Variants in SLC25A40 observed in about 807,000 individuals in gnomAD.
SLC25A40 encodes the protein mitochondrial glutathione transporter SLC25A40.
Under a neutral mutation model 46.5 loss-of-function variants are expected in SLC25A40, and 41 were observed. That is an observed-to-expected ratio of 0.88 (90% CI 0.69 to 1.14). The LOEUF (loss-of-function observed/expected upper bound fraction) is 1.14. SLC25A40 is among the 50% of genes most tolerant of loss of function. SLC25A40 has a pLI of 0.00. For missense variants in SLC25A40, 386 were observed against 393.6 expected (o/e 0.98, Z 0.16); for synonymous variants, 126 against 127.5 (o/e 0.99, Z 0.08).
rs531589145 is a variant in SLC25A40, at chr7:87,872,121, T to C, written c.-94+3975A>G. Among the ~76,000 whole-genome samples, 11 of 152,366 alleles carry C rather than the reference T, an allele frequency of 7.2e-5. No homozygotes were observed. In the South Asian group the frequency reaches 2.1e-3, roughly 29 times the overall value. On this transcript the variant is annotated intron_variant, in intron 1 of 11. Transcript: ENST00000341119. ...ATATAAATTCTTCCAAATTTATCTATAGATTCACAGGAATCATAACCTCTT... is the reference window on the plus strand; with the variant it reads ...ATATAAATTCTTCCAAATTTATCTACAGATTCACAGGAATCATAACCTCTT...
intron 2 of SLC25A40, among the ~76,000 whole-genome samples, chr7:87,859,176 C>G (rs1838658952): frequency 6.6e-6 from 1 of 152,080 alleles, no homozygotes; most frequent in Non-Finnish European, 1.5e-5. Context: ...AATCACCGGC[C>G]AGGCGTGGTG....
intron 5 of SLC25A40, among the ~76,000 whole-genome samples, chr7:87,851,284 ACT>A (rs1345707684): frequency 6.6e-6 from 1 of 152,208 alleles, no homozygotes; most frequent in Non-Finnish European, 1.5e-5. Flanking sequence ...AACATGGATG[ACT>A]CTTAAAACAC....
Position 87,848,059 on chromosome 7 carries a change from T to A in SLC25A40, c.333-82A>T. The stretch of plus-strand genomic sequence containing the variant: ...TAACTTAAATTCAAATATTATTATA[T>A]AAGCTAAAAAAGTCTTATATTTTGT... On this transcript the variant is annotated intron_variant, in intron 6 of 11. Coordinates refer to ENST00000341119, the MANE Select transcript of SLC25A40 (RefSeq NM_018843.4). 1.1e-5 allele frequency: 16 copies of A among 1,452,132 alleles called. No homozygotes were observed. The South Asian group carries it at 1.9e-4, about 18-fold the overall frequency. The allele number at this position is 1,452,132 out of a possible 1,614,324, so 90.0% of individuals were successfully genotyped here.
At chr7:87,839,693 C>G (rs1299372909) in intron 10 of SLC25A40, among the ~76,000 whole-genome samples, 5 of 151,716 alleles carry the variant, frequency 3.3e-5, no homozygotes, top group Non-Finnish European at 5.9e-5. Context: ...AGATTATGAG[C>G]TCTTTGAGGA....
At chr7:87,873,097 G>C (rs781567424) in intron 1 of SLC25A40, among the ~76,000 whole-genome samples, 5 of 152,120 alleles carry the variant, frequency 3.3e-5, no homozygotes, top group Non-Finnish European at 5.9e-5. Context: ...TTCAGAAGAC[G>C]ACATATCAAT....
At chr7:87,858,288 G>T (rs989550404) in intron 3 of SLC25A40, among the ~76,000 whole-genome samples, 4 of 152,152 alleles carry the variant, frequency 2.6e-5, no homozygotes, top group African/African-American at 9.7e-5. Context: ...TTTTGCCCTT[G>T]TCCTGTTTCC....
At chr7:87,854,170 T>C in intron 5 of SLC25A40, 34 bp downstream of exon 5, 2 of 1,337,612 alleles carry the variant, frequency 1.5e-6, no homozygotes, top group Non-Finnish European at 2.1e-6. Context: ...AAATAGAAAA[T>C]ATACTGTGAT....
chr7:87,842,578 C>G (rs1231585653), intron 9 of SLC25A40, among the ~76,000 whole-genome samples: 1 of 151,994 alleles, frequency 6.6e-6, no homozygotes, highest in Non-Finnish European at 1.5e-5. Flanking sequence ...AAGGTAAAAT[C>G]AAGGACTGTT....
At chr7:87,872,513 C>A (rs1199652105) in intron 1 of SLC25A40, among the ~76,000 whole-genome samples, 1 of 152,108 alleles carries the variant, frequency 6.6e-6, no homozygotes, top group Non-Finnish European at 1.5e-5. Context: ...TGACAACATC[C>A]CACACCCACC....
In SLC25A40 at chr7:87,865,123, C is replaced by G. The variant is rs533765597; in HGVS notation, c.-93-4483G>C. On this transcript the variant is annotated intron_variant, in intron 1 of 11. Transcript: ENST00000341119. ...TCTTGCAGACCTAGGACTACAGGCA[C>G]GAGCCACCACTACTGGTCTAACGCA... is the stretch of plus-strand genomic sequence containing the variant. Among the ~76,000 whole-genome samples, 3 of 151,812 alleles carry G rather than the reference C, an allele frequency of 2.0e-5. No homozygotes were observed. In the South Asian group the frequency reaches 6.2e-4, roughly 32 times the overall value.
chr7:87,870,721 GGGTCT>G lies in SLC25A40; in HGVS notation c.-94+5370_-94+5374del, dbSNP rs1838883974. ...GGCTTGATGGTGTAACTTTGGAGAT[GGGTCT>G]GGCTGGGGACGGCCGGACCTTAGGG... On this transcript the variant is annotated intron_variant, in intron 1 of 11. Coordinates refer to ENST00000341119, the MANE Select transcript of SLC25A40 (RefSeq NM_018843.4). 5.3e-5 allele frequency among the ~76,000 whole-genome samples: 8 copies of G among 152,282 alleles called. No homozygotes were observed. In the South Asian group the frequency reaches 1.7e-3, roughly 32 times the overall value.
intron 7 of SLC25A40, among the ~76,000 whole-genome samples, chr7:87,847,365 AG>A (rs1258626365): frequency 2.0e-5 from 3 of 152,140 alleles, no homozygotes; most frequent in Admixed American, 1.3e-4. Context: ...AACTCTCTCA[AG>A]GGCAGTTCCA....
rs1838254995 is a variant in SLC25A40, at chr7:87,836,124, T to C, written c.*125A>G. 5.5e-6 allele frequency: 3 copies of C among 543,550 alleles called. No individual in the cohort carries two copies. Among genetic ancestry groups the C allele is most frequent in the Non-Finnish European group, 3.2e-6 (1 of 309,212 alleles). The allele number at this position is 543,550 out of a possible 1,614,324, so 33.7% of individuals were successfully genotyped here. ...TGATTTAGAGGTAGAGCTGAAATTA[T>C]TTATTTAAATTATAGGAAAGAAAGA... On this transcript the variant is annotated 3_prime_UTR_variant, in exon 12 of 12. Coordinates refer to ENST00000341119, the MANE Select transcript of SLC25A40 (RefSeq NM_018843.4).
At chr7:87,865,592 G>A (rs898112156) in intron 1 of SLC25A40, among the ~76,000 whole-genome samples, 32 of 152,124 alleles carry the variant, frequency 2.1e-4, no homozygotes, top group Admixed American at 1.1e-3. Context: ...CCAAGAGGGC[G>A]AAACCCCAAC....
intron 8 of SLC25A40, among the ~76,000 whole-genome samples, chr7:87,846,363 ACTT>A (rs1011043335): frequency 6.6e-6 from 1 of 152,118 alleles, no homozygotes; most frequent in Non-Finnish European, 1.5e-5. Flanking sequence ...GGTCTTAAAA[ACTT>A]CTATGATCCA....
In SLC25A40 at chr7:87,836,170, A is replaced by G. The variant is rs929088072; in HGVS notation, c.*79T>C. The G allele has an allele frequency of 2.5e-6, 2 of 785,988 alleles. No individual in the cohort carries two copies. Among genetic ancestry groups the G allele is most frequent in the Admixed American group, 2.8e-5 (1 of 35,448 alleles). 48.7% of individuals were successfully genotyped at this position (785,988 alleles called of 1,614,324 possible). On this transcript the variant is annotated 3_prime_UTR_variant, in exon 12 of 12. Transcript: ENST00000341119. ...AAAGACATAAAATCATTGTGAGAGA[A>G]TAATGGTGAAAAACATTCTTGCCTA...
intron 2 of SLC25A40, chr7:87,860,304 A>G (rs1028916425): frequency 2.0e-5 from 3 of 152,204 alleles, no homozygotes; most frequent in Non-Finnish European, 4.4e-5. Context: ...GTTCCTACTT[A>G]TCCATGACTT....
chr7:87,865,823 T>C (rs1306622255), intron 1 of SLC25A40, among the ~76,000 whole-genome samples: 1 of 152,146 alleles, frequency 6.6e-6, no homozygotes, highest in Non-Finnish European at 1.5e-5. Flanking sequence ...GGTCCATGCC[T>C]ATAATCCCAG....
intron 8 of SLC25A40, among the ~76,000 whole-genome samples, chr7:87,845,212 T>C (rs564412799): frequency 3.3e-5 from 5 of 152,164 alleles, no homozygotes; most frequent in South Asian, 2.1e-4. Context: ...CATGCATACA[T>C]GAAAATGTTA....
Sources: allele counts gnomAD v4.1 joint callset (sites outside exome capture counted in the v4.1 genomes callset), GRCh38; gene constraint gnomAD v4.1.1; transcripts MANE v1.5; gene names NCBI Gene and HGNC (gene_info 2026-07-23, HGNC 2026-07-21).